The following RBFOX1 variants were observed in gnomAD, a reference collection of about 807,000 sequenced individuals.
RBFOX1 encodes RNA binding fox-1 homolog 1.
RBFOX1 carries 8 observed loss-of-function variants against 57.7 expected under a neutral mutation model. The ratio of observed to expected loss-of-function variants is 0.14; its 90% CI spans 0.08 to 0.25. The LOEUF (loss-of-function observed/expected upper bound fraction) is 0.25, where lower values mean the gene tolerates loss of function less well. RBFOX1 is among the 10% of genes least tolerant of loss of function. The probability of loss-of-function intolerance (pLI) is 1.00; values close to 1 mark genes in which losing one functional copy is unlikely to be tolerated. For missense variants in RBFOX1, 611 were observed against 548.5 expected (o/e 1.11, Z -1.14); for synonymous variants, 326 against 222.4 (o/e 1.47, Z -4.15).
intron 3 of RBFOX1, among the ~76,000 whole-genome samples, chr16:6,675,061 A>G (rs956309170): frequency 1.3e-5 from 2 of 152,004 alleles, no homozygotes; most frequent in Non-Finnish European, 2.9e-5. Context: ...ATGTGCCACC[A>G]CACCCACTAA....
chr16:7,061,609 A>T (rs1473668972), intron 4 of RBFOX1, among the ~76,000 whole-genome samples: 3 of 152,212 alleles, frequency 2.0e-5, no homozygotes, highest in Admixed American at 2.0e-4. Flanking sequence ...TTGGCCTAAT[A>T]TTCATTCTCC....
intron 1 of RBFOX1, among the ~76,000 whole-genome samples, chr16:5,412,725 G>A (rs1026278680): frequency 6.6e-6 from 1 of 152,180 alleles, no homozygotes; most frequent in African/African-American, 2.4e-5. Flanking sequence ...CGGAATTAGC[G>A]TCCCTATATG....
At chr16:7,255,706 G>T (rs576406027) in intron 4 of RBFOX1, among the ~76,000 whole-genome samples, 1 of 152,250 alleles carries the variant, frequency 6.6e-6, no homozygotes, top group East Asian at 1.9e-4. Flanking sequence ...ATAAATGCAT[G>T]AAATGTTTGT....
At chr16:7,616,858 T>C (rs1247628292) in intron 10 of RBFOX1, among the ~76,000 whole-genome samples, 1 of 152,082 alleles carries the variant, frequency 6.6e-6, no homozygotes, top group Non-Finnish European at 1.5e-5. Context: ...AGGCAGATAA[T>C]ATTCTAAGGC....
chr16:5,551,382 C>T (rs1046148328), intron 2 of RBFOX1, among the ~76,000 whole-genome samples: 6 of 152,166 alleles, frequency 3.9e-5, no homozygotes, highest in Non-Finnish European at 5.9e-5. Flanking sequence ...GGTTGTTGGA[C>T]GGGACACAGC....
At chr16:7,251,969 G>A (rs2094514994) in intron 4 of RBFOX1, among the ~76,000 whole-genome samples, 1 of 152,184 alleles carries the variant, frequency 6.6e-6, no homozygotes, top group South Asian at 2.1e-4. Flanking sequence ...GGGGCACTGG[G>A]TGATTCTTAA....
intron 4 of RBFOX1, among the ~76,000 whole-genome samples, chr16:5,929,326 C>G (rs1329057107): frequency 4.6e-5 from 7 of 152,094 alleles, no homozygotes; most frequent in Admixed American, 4.6e-4. Context: ...CTCTCTCTCT[C>G]TCTCTCTCTC....
intron 9 of RBFOX1, among the ~76,000 whole-genome samples, chr16:7,602,764 C>T (rs537673205): frequency 6.6e-5 from 10 of 152,166 alleles, no homozygotes; most frequent in African/African-American, 2.4e-4. Context: ...AATACCTTTT[C>T]CAACAGCTGC....
intron 3 of RBFOX1, among the ~76,000 whole-genome samples, chr16:5,662,107 C>G (rs1024694525): frequency 2.6e-5 from 4 of 152,146 alleles, no homozygotes; most frequent in Non-Finnish European, 5.9e-5. Context: ...ATCTTGTTAA[C>G]TGAAAGTTTG....
intron 4 of RBFOX1, among the ~76,000 whole-genome samples, chr16:7,353,439 C>G (rs1026804369): frequency 3.9e-5 from 6 of 152,020 alleles, no homozygotes; most frequent in African/African-American, 1.2e-4. Context: ...TTATTATGAC[C>G]CAGCAATTCT....
chr16:5,668,376 T>C (rs1454700230), intron 3 of RBFOX1, among the ~76,000 whole-genome samples: 1 of 152,140 alleles, frequency 6.6e-6, no homozygotes, highest in East Asian at 1.9e-4. Context: ...CAAAAAATCA[T>C]CTCTTTTTCC....
At chr16:5,978,309 A>C (rs939350291) in intron 4 of RBFOX1, among the ~76,000 whole-genome samples, 1 of 151,940 alleles carries the variant, frequency 6.6e-6, no homozygotes, top group African/African-American at 2.4e-5. Flanking sequence ...GTGAGGCCCC[A>C]TTTCTTAAGA....
chr16:7,246,122 G>A (rs963400920), intron 4 of RBFOX1, among the ~76,000 whole-genome samples: 3 of 152,038 alleles, frequency 2.0e-5, no homozygotes, highest in Admixed American at 6.6e-5. Flanking sequence ...TCATAACTTA[G>A]TTTGATACCT....
intron 1 of RBFOX1, among the ~76,000 whole-genome samples, chr16:6,040,111 TATTAC>T (rs1171191143): frequency 2.0e-5 from 3 of 152,246 alleles, no homozygotes; most frequent in African/African-American, 7.2e-5. Flanking sequence ...GAACACACGT[TATTAC>T]ATTACATTTT....
intron 1 of RBFOX1, among the ~76,000 whole-genome samples, chr16:6,185,548 G>A (rs923885795): frequency 2.6e-5 from 4 of 152,126 alleles, no homozygotes; most frequent in African/African-American, 4.8e-5. Context: ...CCTTGTTCAC[G>A]ATGAAATCGT....
chr16:6,651,553 C>T (rs1445705580), intron 2 of RBFOX1, among the ~76,000 whole-genome samples: 1 of 152,086 alleles, frequency 6.6e-6, no homozygotes, highest in Admixed American at 6.5e-5. Flanking sequence ...CTGAGTGAAA[C>T]CCACAAGTGC....
chr16:6,183,903 T>C (rs956368642), intron 1 of RBFOX1, among the ~76,000 whole-genome samples: 11 of 152,092 alleles, frequency 7.2e-5, no homozygotes, highest in African/African-American at 2.7e-4. Context: ...AAAGAAGCCA[T>C]TGGAGGATGT....
chr16:7,350,882 A>G (rs1214103483), intron 4 of RBFOX1, among the ~76,000 whole-genome samples: 3 of 152,226 alleles, frequency 2.0e-5, no homozygotes, highest in South Asian at 2.1e-4. Flanking sequence ...GGACTGTAGT[A>G]TGTGTGTTTA....
At chr16:6,680,387 C>T (rs950360156) in intron 3 of RBFOX1, among the ~76,000 whole-genome samples, 2 of 151,080 alleles carry the variant, frequency 1.3e-5, no homozygotes, top group African/African-American at 2.4e-5. Context: ...CTCAGCCTCC[C>T]GAGTAGCTGG....
Sources: allele counts gnomAD v4.1 joint callset (sites outside exome capture counted in the v4.1 genomes callset), GRCh38; gene constraint gnomAD v4.1.1; transcripts MANE v1.5; gene names NCBI Gene and HGNC (gene_info 2026-07-23, HGNC 2026-07-21).